The following AAMDC variants were observed in gnomAD, a reference collection of about 807,000 sequenced individuals.
AAMDC encodes the protein adipogenesis associated Mth938 domain containing.
A neutral mutation model predicts 15.5 loss-of-function variants in AAMDC; 16 were observed. The observed-to-expected ratio is 1.03, with a 90% CI of 0.70 to 1.57. AAMDC has a LOEUF of 1.57. AAMDC is among the 40% of genes most tolerant of loss of function. The pLI, the probability that AAMDC is intolerant of heterozygous loss-of-function variation, is 0.00. For synonymous variants in AAMDC, 51 were observed against 51.6 expected, an observed-to-expected ratio of 0.99 and a Z score of 0.05; for missense variants, 141 against 144.9, an observed-to-expected ratio of 0.97 and a Z score of 0.14.
intron 3 of AAMDC, 101 bp downstream of exon 3, chr11:77,869,918 T>G: frequency 1.8e-6 from 2 of 1,114,260 alleles, no homozygotes; most frequent in Non-Finnish European, 2.7e-6. Flanking sequence ...TTATATATCA[T>G]GTACCCTCAT....
At chr11:77,890,982 C>A (rs1033753610) in intron 5 of AAMDC, among the ~76,000 whole-genome samples, 2 of 152,154 alleles carry the variant, frequency 1.3e-5, no homozygotes, top group Non-Finnish European at 2.9e-5. Flanking sequence ...TTTTCTGTAA[C>A]AAAAGACCAA....
chr11:77,898,555 T>G (rs1296548273), intron 5 of AAMDC, among the ~76,000 whole-genome samples: 1 of 152,232 alleles, frequency 6.6e-6, no homozygotes, highest in East Asian at 1.9e-4. Context: ...TTAGATCACC[T>G]TGATCTTAGA....
chr11:77,853,617 C>G (rs563538700), intron 2 of AAMDC, among the ~76,000 whole-genome samples: 1 of 152,156 alleles, frequency 6.6e-6, no homozygotes, highest in African/African-American at 2.4e-5. Flanking sequence ...TGCATCTGGC[C>G]CCTCCCAAAT....
chr11:77,853,613 TG>T (rs1950489491), intron 2 of AAMDC, among the ~76,000 whole-genome samples: 7 of 152,154 alleles, frequency 4.6e-5, no homozygotes, highest in Admixed American at 4.6e-4. Context: ...ATTCTGCATC[TG>T]GCCCCTCCCA....
intron 1 of AAMDC, chr11:77,840,924 C>T (rs1004779848): frequency 1.2e-5 from 5 of 401,880 alleles, no homozygotes; most frequent in African/African-American, 7.9e-5. Flanking sequence ...ATGTCTTAAT[C>T]CATTTTGTGC....
At chr11:77,844,110 G>A (rs1950043426) in intron 2 of AAMDC, among the ~76,000 whole-genome samples, 1 of 152,052 alleles carries the variant, frequency 6.6e-6, no homozygotes, top group Non-Finnish European at 1.5e-5. Flanking sequence ...AACTGTATCA[G>A]CCCTCTTCTA....
At position 77,891,752 on chromosome 11, in the gene AAMDC, C is replaced by A. The variant is rs1952277672; in HGVS notation, c.329-8819C>A. The A allele has an allele frequency of 2.5e-6, 4 of 1,611,992 alleles. No individual in the cohort carries two copies. In the East Asian group the frequency reaches 8.9e-5, roughly 36 times the overall value. On this transcript the variant is annotated intron_variant, in intron 5 of 5. Transcript: ENST00000304716. ...GTCTGTAGAATTTTGACCACTTCTGCAGGTTTGGATGTCATGAGTCGGGGC... is the reference window on the plus strand; with the variant it reads ...GTCTGTAGAATTTTGACCACTTCTGAAGGTTTGGATGTCATGAGTCGGGGC...
chr11:77,866,307 T>G (rs1258958407), intron 2 of AAMDC: 1 of 152,104 alleles, frequency 6.6e-6, no homozygotes, highest in African/African-American at 2.4e-5. Flanking sequence ...CCACCTTAGA[T>G]CGTGTGACAG....
At chr11:77,869,575 C>A in intron 2 of AAMDC, 147 bp from the exon 3 acceptor site, 1 of 704,372 alleles carries the variant, frequency 1.4e-6, no homozygotes, top group Non-Finnish European at 2.4e-6. Flanking sequence ...CGTCAGCCTT[C>A]CTAAGTGCCT....
At chr11:77,883,714 T>C in intron 5 of AAMDC, 1 of 1,120,562 alleles carries the variant, frequency 8.9e-7, no homozygotes, top group Non-Finnish European at 1.2e-6. Context: ...TTAAGTTCAA[T>C]TCTTACAAGG....
At chr11:77,860,347 T>C (rs182670807) in intron 2 of AAMDC, among the ~76,000 whole-genome samples, 120 of 152,338 alleles carry the variant, frequency 7.9e-4, no homozygotes, top group African/African-American at 2.7e-3. Context: ...TGCTAAGGAA[T>C]CCTCTTAGTT....
chr11:77,835,159 C>G (rs948645815), intron 1 of AAMDC, among the ~76,000 whole-genome samples: 1 of 152,160 alleles, frequency 6.6e-6, no homozygotes, highest in Non-Finnish European at 1.5e-5. Flanking sequence ...TGACTGTATT[C>G]TAGCAAATAA....
At chr11:77,847,910 G>A (rs1030636875) in intron 2 of AAMDC, among the ~76,000 whole-genome samples, 1 of 152,094 alleles carries the variant, frequency 6.6e-6, no homozygotes, top group Non-Finnish European at 1.5e-5. Flanking sequence ...CCCAGTCCAA[G>A]AGCAGAAGAA....
intron 5 of AAMDC, chr11:77,879,140 T>C (rs757869752): frequency 4.6e-5 from 75 of 1,613,566 alleles, no homozygotes; most frequent in Non-Finnish European, 6.3e-5. Context: ...GAAAAAAAGA[T>C]AAAAGAAATC....
chr11:77,842,168 G>A (rs1211449181), intron 1 of AAMDC, among the ~76,000 whole-genome samples: 1 of 151,984 alleles, frequency 6.6e-6, no homozygotes, highest in East Asian at 1.9e-4. Context: ...TTCTTCTTGG[G>A]GAGAGAATAT....
At chr11:77,900,778 A>C, downstream of AAMDC, 1 of 597,568 alleles carries the variant, frequency 1.7e-6, no homozygotes, top group South Asian at 2.1e-5. Context: ...AATCAATGAA[A>C]TGTGGCAATT....
intron 2 of AAMDC, among the ~76,000 whole-genome samples, chr11:77,850,239 G>A (rs1006249825): frequency 6.6e-6 from 1 of 152,194 alleles, no homozygotes; most frequent in African/African-American, 2.4e-5. Flanking sequence ...AGGTCTTCAA[G>A]CAGTATCCTG....
intron 5 of AAMDC, among the ~76,000 whole-genome samples, chr11:77,886,956 G>A (rs903798074): frequency 1.3e-5 from 2 of 151,798 alleles, no homozygotes; most frequent in Non-Finnish European, 2.9e-5. Context: ...GCAGTGTGTA[G>A]AGGGAAATTT....
At chr11:77,880,030 CAT>C (rs2136347580) in intron 5 of AAMDC, among the ~76,000 whole-genome samples, 1 of 152,296 alleles carries the variant, frequency 6.6e-6, no homozygotes, top group South Asian at 2.1e-4. Flanking sequence ...AGCAGTTACT[CAT>C]TCTATTAACC....
Sources: allele counts gnomAD v4.1 joint callset (sites outside exome capture counted in the v4.1 genomes callset), GRCh38; gene constraint gnomAD v4.1.1; transcripts MANE v1.5; gene names NCBI Gene and HGNC (gene_info 2026-07-23, HGNC 2026-07-21).